RAD51C: variants seen among roughly 807,000 people sequenced by gnomAD.
RAD51C encodes the protein DNA repair protein RAD51 homolog 3.
A neutral mutation model predicts 45.0 loss-of-function variants in RAD51C; 42 were observed. The ratio of observed to expected loss-of-function variants is 0.93; its 90% confidence interval spans 0.73 to 1.21. The LOEUF (loss-of-function observed/expected upper bound fraction) is 1.21, where lower values mean the gene tolerates loss of function less well. Ranked by LOEUF, RAD51C falls within the 50% of genes most tolerant of loss-of-function variation. The probability of loss-of-function intolerance (pLI) is 0.00; values close to 1 mark genes in which losing one functional copy is unlikely to be tolerated. For missense variants in RAD51C, 474 were observed against 452.2 expected, an observed-to-expected ratio of 1.05 and a Z score of -0.44; for synonymous variants, 172 against 159.8, an observed-to-expected ratio of 1.08 and a Z score of -0.58.
At chr17:58,724,628 A>T (rs1028965774) in intron 7 of RAD51C, among the ~76,000 whole-genome samples, 3 of 151,624 alleles carry the variant, frequency 2.0e-5, no homozygotes, top group Admixed American at 1.3e-4. Context: ...CCTGCATTTC[A>T]CAAGTATTGT....
intron 4 of RAD51C, among the ~76,000 whole-genome samples, chr17:58,703,888 C>T (rs2048292000): frequency 6.8e-6 from 1 of 147,202 alleles, no homozygotes; most frequent in African/African-American, 2.5e-5. Flanking sequence ...TGCTTGAGCC[C>T]AGCAGTTCAA....
rs773293999 is a variant in RAD51C, at chr17:58,695,173, G to A, written c.388G>A (p.Gly130Arg). 2 of 1,610,980 alleles carry A rather than the reference G, an allele frequency of 1.2e-6. No homozygotes were observed. The highest frequency in any genetic ancestry group is 1.1e-5 in the South Asian group (1 of 90,634). ...AGAAATTTGTGGTGCACCAGGTGTT[G>A]GAAAAACACAATTATGGTAAAATAA... ...TTEICGAPGV[G>R]KTQLCMQLAV... Residue 130 changes from glycine to arginine, a missense_variant, in exon 2 of 9, where the codon GGA becomes AGA. Transcript: ENST00000337432.
At chr17:58,725,660 A>G (rs947009924) in intron 7 of RAD51C, among the ~76,000 whole-genome samples, 1 of 152,168 alleles carries the variant, frequency 6.6e-6, no homozygotes, top group East Asian at 1.9e-4. Flanking sequence ...TAACCATTGT[A>G]TGAATTCACC....
intron 8 of RAD51C, among the ~76,000 whole-genome samples, chr17:58,733,895 T>A (rs1466407332): frequency 6.6e-6 from 1 of 152,116 alleles, no homozygotes; most frequent in Non-Finnish European, 1.5e-5. Context: ...ATTTTTATAT[T>A]TTTGGTAGAG....
chr17:58,708,701 T>TGG (rs71143279), intron 4 of RAD51C, among the ~76,000 whole-genome samples: 37 of 151,336 alleles, frequency 2.4e-4, no homozygotes, highest in African/African-American at 4.4e-4. Context: ...TTTTTTGCTT[T>TGG]GGGGGGGGCT....
intron 7 of RAD51C, among the ~76,000 whole-genome samples, chr17:58,724,444 A>G (rs1301702801): frequency 6.6e-6 from 1 of 152,134 alleles, no homozygotes; most frequent in Non-Finnish European, 1.5e-5. Flanking sequence ...GATTGAAAAA[A>G]AAAAGAATAA....
chr17:58,731,773 T>TG (rs1484497804), intron 7 of RAD51C, among the ~76,000 whole-genome samples: 1 of 152,220 alleles, frequency 6.6e-6, no homozygotes, highest in South Asian at 2.1e-4. Flanking sequence ...TTTGTAGAGA[T>TG]GGGGGTCTCA....
chr17:58,717,672 G>T (rs2048787486), intron 5 of RAD51C, among the ~76,000 whole-genome samples: 1 of 152,092 alleles, frequency 6.6e-6, no homozygotes, highest in Non-Finnish European at 1.5e-5. Flanking sequence ...GGAGGCGGAG[G>T]TTGCAGTGAG....
At chr17:58,732,449 G>A in intron 7 of RAD51C, 35 bp from the exon 8 acceptor site, 1 of 1,569,376 alleles carries the variant, frequency 6.4e-7, no homozygotes. Flanking sequence ...TTAAGTTCAT[G>A]TGTTTGTATG....
Position 58,695,043 on chromosome 17 carries a change from A to G in RAD51C, c.258A>G (p.Thr86=). The G allele has an allele frequency of 6.2e-7, 1 of 1,614,108 alleles. No homozygotes were observed. The highest frequency in any genetic ancestry group is 8.5e-7 in the Non-Finnish European group (1 of 1,179,958). ...AGTSESHKKC[T]ALELLEQEHT... is the part of the protein sequence containing the mutation. ...CATCTGAGTCACACAAGAAGTGTACAGCACTGGAACTTCTTGAGCAGGAGC... is the reference window on the plus strand; with the variant it reads ...CATCTGAGTCACACAAGAAGTGTACGGCACTGGAACTTCTTGAGCAGGAGC... The change falls in exon 2 of 9, where the codon ACA becomes ACG. Residue 86 remains threonine (T), a synonymous_variant. Coordinates refer to ENST00000337432, the MANE Select transcript of RAD51C (RefSeq NM_058216.3).
Position 58,724,247 on chromosome 17 carries a change from GAGCA to G in RAD51C, c.965+149_965+152del, listed in dbSNP as rs2049032594. 6.6e-6 allele frequency: 5 copies of G among 754,570 alleles called. No individual in the cohort carries two copies. The Admixed American group carries it at 1.1e-4, about 16-fold the overall frequency. The allele number at this position is 754,570 out of a possible 1,614,324, so 46.7% of individuals were successfully genotyped here. A position where few individuals can be genotyped will look rare whatever the true frequency, so the allele number is the denominator to read the frequency against. ...TTGTTGCCTTGTCTGATATCACCTA[GAGCA>G]AACATAGAAATGTGTTGTTATTACT... On this transcript the variant is annotated intron_variant, in intron 7 of 8. Coordinates refer to ENST00000337432, the MANE Select transcript of RAD51C (RefSeq NM_058216.3).
At chr17:58,725,185 T>C (rs2049073318) in intron 7 of RAD51C, among the ~76,000 whole-genome samples, 1 of 152,190 alleles carries the variant, frequency 6.6e-6, no homozygotes. Context: ...CATTTTTTAC[T>C]CTAAACCAGT....
rs553477167 is a variant in RAD51C at position 58,726,921 on chromosome 17, C to T, written c.965+2821C>T. Among the ~76,000 whole-genome samples, 22 of 151,748 alleles carry T rather than the reference C, an allele frequency of 1.4e-4. No individual in the cohort carries two copies. In the East Asian group the frequency reaches 3.5e-3, roughly 24 times the overall value. On this transcript the variant is annotated intron_variant, in intron 7 of 8. Coordinates refer to ENST00000337432, the MANE Select transcript of RAD51C (RefSeq NM_058216.3). ...CTGCAAGCTCTGCCTCCCAGGTTCACGCCATTCTCCTGCCTCAGCCTCCCG... is the reference window on the plus strand; with the variant it reads ...CTGCAAGCTCTGCCTCCCAGGTTCATGCCATTCTCCTGCCTCAGCCTCCCG...
At chr17:58,714,520 G>T (rs192151444) in intron 5 of RAD51C, among the ~76,000 whole-genome samples, 1 of 151,898 alleles carries the variant, frequency 6.6e-6, no homozygotes, top group Admixed American at 6.6e-5. Context: ...GTGCCATGGC[G>T]CGATCTTGGC....
intron 8 of RAD51C, among the ~76,000 whole-genome samples, chr17:58,733,728 T>C (rs1450699562): frequency 1.3e-5 from 2 of 151,580 alleles, no homozygotes; most frequent in African/African-American, 2.4e-5. Context: ...AAGAACTTTC[T>C]TTTTTTTTGA....
Position 58,692,821 on chromosome 17 carries a change from C to T in RAD51C, c.145+33C>T, listed in dbSNP as rs1462507524. On this transcript the variant is annotated intron_variant, in intron 1 of 8. Transcript: ENST00000337432. The stretch of plus-strand genomic sequence containing the variant: ...CTCCTGATGGCAAGCTGAGGCACAC[C>T]GGCCGCCGTCAGCGCCGCCTCAGTC... The T allele has an allele frequency of 2.5e-6, 4 of 1,613,728 alleles. No homozygotes were observed. In the Admixed American group the frequency reaches 5.0e-5, roughly 20 times the overall value.
chr17:58,710,356 G>A (rs921682826), intron 5 of RAD51C, among the ~76,000 whole-genome samples: 4 of 146,890 alleles, frequency 2.7e-5, no homozygotes, highest in African/African-American at 5.0e-5. Context: ...AAATTAGCCC[G>A]GTGTGGTGGC....
intron 6 of RAD51C, among the ~76,000 whole-genome samples, chr17:58,723,384 A>G (rs1054102912): frequency 2.6e-5 from 4 of 152,120 alleles, no homozygotes; most frequent in African/African-American, 9.7e-5. Flanking sequence ...TAGAAGAACA[A>G]TAATAAATGT....
chr17:58,734,981 A>T lies in RAD51C; in HGVS notation c.*759A>T, dbSNP rs1227853799. On this transcript the variant is annotated 3_prime_UTR_variant, in exon 9 of 9. Transcript: ENST00000337432. ...AGAGAAGCCAGCACCATGAGTCAGCATATTATTCTGTTCAGTTTTATAGGT... is the reference window on the plus strand; with the variant it reads ...AGAGAAGCCAGCACCATGAGTCAGCTTATTATTCTGTTCAGTTTTATAGGT... 1 of 152,144 alleles carries T rather than the reference A, an allele frequency of 6.6e-6. No individual in the cohort carries two copies. Among genetic ancestry groups the T allele is most frequent in the Non-Finnish European group, 1.5e-5 (1 of 68,050 alleles). The allele number at this position is 152,144 out of a possible 1,614,324, so 9.4% of individuals were successfully genotyped here.
Sources: allele counts gnomAD v4.1 joint callset (sites outside exome capture counted in the v4.1 genomes callset), GRCh38; gene constraint gnomAD v4.1.1; transcripts MANE v1.5; gene names NCBI Gene and HGNC (gene_info 2026-07-23, HGNC 2026-07-21).